MALRD1: variants seen among roughly 807,000 people sequenced by gnomAD.
MALRD1 encodes the protein MAM and LDL-receptor class A domain-containing protein 1.
In MALRD1, 247 loss-of-function variants were observed where a neutral mutation model predicts 242.1. That is an observed-to-expected ratio of 1.02 (90% CI 0.92 to 1.13). The LOEUF (loss-of-function observed/expected upper bound fraction) is 1.13, where lower values mean the gene tolerates loss of function less well. Ranked by LOEUF, MALRD1 falls within the 50% of genes most tolerant of loss-of-function variation. The pLI is 0.00. For synonymous variants in MALRD1, 995 were observed against 866.6 expected (o/e 1.15, Z -2.60); for missense variants, 2,989 against 2,533.1 (o/e 1.18, Z -3.86).
At chr10:19,670,132 A>C (rs947855151) in intron 36 of MALRD1, among the ~76,000 whole-genome samples, 1 of 152,060 alleles carries the variant, frequency 6.6e-6, no homozygotes, top group Non-Finnish European at 1.5e-5. Flanking sequence ...TTAAATAGGC[A>C]TTCAGCACTG....
chr10:19,205,081 C>G lies in MALRD1; in HGVS notation c.2394C>G (p.Gly798=). The G allele has an allele frequency of 1.3e-6, 2 of 1,550,666 alleles. No individual in the cohort carries two copies. Among genetic ancestry groups the G allele is most frequent in the Non-Finnish European group, 1.7e-6 (2 of 1,146,984 alleles). The part of the protein sequence containing the change: ...FHLSLDKVSL[G]IYDGVSAIDD... ...TGTCACTAGATAAAGTCAGTCTGGG[C>G]ATTTATGATGGGGTCTCAGCTATTG... Residue 798 remains glycine (G), a synonymous_variant, in exon 17 of 40, where the codon GGC becomes GGG. Coordinates refer to ENST00000454679, the MANE Select transcript of MALRD1 (RefSeq NM_001142308.3).
Position 19,064,059 on chromosome 10 carries a change from C to T in MALRD1, c.200-2660C>T, listed in dbSNP as rs114660269. Among the ~76,000 whole-genome samples the T allele has an allele frequency of 2.0e-3, 304 of 152,166 alleles. 1 individual carries two copies. The highest frequency in any genetic ancestry group is 6.3e-3 in the African/African-American group (261 of 41,512). ...GTTCTATAATGAGAGAATCTGACAA[C>T]GTGGAACCCAACTCAGGAGATAATT... On this transcript the variant is annotated intron_variant, in intron 1 of 39. Transcript: ENST00000454679.
intron 29 of MALRD1, among the ~76,000 whole-genome samples, chr10:19,484,869 A>G (rs1290971856): frequency 1.3e-5 from 2 of 152,192 alleles, no homozygotes; most frequent in East Asian, 1.9e-4. Context: ...AGGTACCTCC[A>G]TGTGTATGTT....
intron 32 of MALRD1, among the ~76,000 whole-genome samples, chr10:19,537,504 T>C (rs528587288): frequency 2.0e-4 from 31 of 152,124 alleles, no homozygotes; most frequent in Non-Finnish European, 4.3e-4. Flanking sequence ...TCTCTCTCCT[T>C]TTTCTTCTCC....
chr10:19,068,171 A>T (rs1366591535), intron 2 of MALRD1, among the ~76,000 whole-genome samples: 1 of 151,672 alleles, frequency 6.6e-6, no homozygotes, highest in Non-Finnish European at 1.5e-5. Context: ...GCACATATTT[A>T]TTTACTGTAG....
intron 36 of MALRD1, among the ~76,000 whole-genome samples, chr10:19,623,046 A>C (rs768435076): frequency 2.6e-5 from 4 of 152,084 alleles, no homozygotes; most frequent in Admixed American, 6.6e-5. Flanking sequence ...AACCATACAC[A>C]CTATAGAAAT....
chr10:19,331,636 C>A, intron 24 of MALRD1, 54 bp downstream of exon 24: 1 of 1,350,296 alleles, frequency 7.4e-7, no homozygotes, highest in Non-Finnish European at 1.0e-6. Context: ...CACAGCCTTA[C>A]TCAATATCTG....
chr10:19,305,871 TATATA>T (rs1487248709), intron 21 of MALRD1, among the ~76,000 whole-genome samples: 6 of 130,316 alleles, frequency 4.6e-5, no homozygotes, highest in Non-Finnish European at 9.4e-5. Context: ...TACTATATAT[TATATA>T]ATATATATAA....
chr10:19,416,536 T>A (rs1258070168), intron 28 of MALRD1, among the ~76,000 whole-genome samples: 2 of 151,272 alleles, frequency 1.3e-5, no homozygotes. Context: ...CATTGCCAGG[T>A]GGAAAAAAAA....
rs1323246429 is a variant in MALRD1 at position 19,188,069 on chromosome 10, C to T, written c.1951+12741C>T. ...ATCCAAGGTTGAGGACCATTTCAGC[C>T]GAGGCCTTATGGGTGATTGTAAGGA... On this transcript the variant is annotated intron_variant, in intron 14 of 39. Coordinates refer to ENST00000454679, the MANE Select transcript of MALRD1 (RefSeq NM_001142308.3). Among the ~76,000 whole-genome samples the T allele has an allele frequency of 1.3e-5, 2 of 152,102 alleles. 1 individual carries two copies. Among genetic ancestry groups the T allele is most frequent in the South Asian group, 4.1e-4 (2 of 4,826 alleles).
At chr10:19,180,524 A>G (rs895842202) in intron 14 of MALRD1, among the ~76,000 whole-genome samples, 1 of 152,234 alleles carries the variant, frequency 6.6e-6, no homozygotes, top group Admixed American at 6.5e-5. Context: ...CTCATGCGAA[A>G]GAATGAAATT....
At chr10:19,715,618 C>A (rs995947245) in intron 38 of MALRD1, among the ~76,000 whole-genome samples, 9 of 152,162 alleles carry the variant, frequency 5.9e-5, no homozygotes, top group African/African-American at 2.2e-4. Context: ...ACTTGTATTA[C>A]TCCATTTGGA....
intron 26 of MALRD1, among the ~76,000 whole-genome samples, chr10:19,378,950 A>G (rs1845721650): frequency 6.6e-6 from 1 of 152,082 alleles, no homozygotes; most frequent in South Asian, 2.1e-4. Context: ...CTTCTTTGTG[A>G]CAAGACTGTT....
chr10:19,098,097 C>G (rs1350134000), intron 4 of MALRD1, among the ~76,000 whole-genome samples: 4 of 152,152 alleles, frequency 2.6e-5, no homozygotes, highest in South Asian at 2.1e-4. Context: ...CTCTTGGGGT[C>G]TGGATCGGGA....
chr10:19,179,212 G>A lies in MALRD1; in HGVS notation c.1951+3884G>A, dbSNP rs149887058. ...CAAAGAGTAAAATTGTGGTAACCAGGTTCTGGGAGGAGAGGAAGTGGAAAA... is the reference window on the plus strand; with the variant it reads ...CAAAGAGTAAAATTGTGGTAACCAGATTCTGGGAGGAGAGGAAGTGGAAAA... On this transcript the variant is annotated intron_variant, in intron 14 of 39. Transcript: ENST00000454679. Among the ~76,000 whole-genome samples the A allele has an allele frequency of 6.5e-3, 995 of 152,304 alleles. 7 individuals are homozygous for A. Among genetic ancestry groups the A allele is most frequent in the Middle Eastern group, 0.02 (6 of 294 alleles).
At chr10:19,585,436 C>G (rs984243602) in intron 33 of MALRD1, among the ~76,000 whole-genome samples, 12 of 151,986 alleles carry the variant, frequency 7.9e-5, no homozygotes, top group Non-Finnish European at 1.5e-4. Context: ...GACAAAATCT[C>G]TCAACATTTG....
intron 36 of MALRD1, among the ~76,000 whole-genome samples, chr10:19,675,919 T>C (rs1048224253): frequency 6.6e-6 from 1 of 152,182 alleles, no homozygotes; most frequent in South Asian, 2.1e-4. Context: ...AAAGATGGCA[T>C]GTCTAAAGCA....
chr10:19,509,501 T>C (rs1833298235), intron 31 of MALRD1, among the ~76,000 whole-genome samples: 1 of 152,200 alleles, frequency 6.6e-6, no homozygotes. Flanking sequence ...GTTATTTACT[T>C]TGACAATTCC....
intron 35 of MALRD1, among the ~76,000 whole-genome samples, chr10:19,609,476 C>A (rs1838785569): frequency 6.6e-6 from 1 of 151,962 alleles, no homozygotes; most frequent in South Asian, 2.1e-4. Context: ...TCTTTCTTTC[C>A]AACATTATAT....
Sources: allele counts gnomAD v4.1 joint callset (sites outside exome capture counted in the v4.1 genomes callset), GRCh38; gene constraint gnomAD v4.1.1; transcripts MANE v1.5; gene names NCBI Gene and HGNC (gene_info 2026-07-23, HGNC 2026-07-21).